The following FAR1 variants were observed in gnomAD, a reference collection of about 807,000 sequenced individuals.
FAR1 encodes the protein fatty acyl-CoA reductase 1, also known as male sterility domain-containing protein 2.
In FAR1, 22 loss-of-function variants were observed where a neutral mutation model predicts 61.1. The ratio of observed to expected loss-of-function variants is 0.36; its 90% CI spans 0.26 to 0.51. The LOEUF (loss-of-function observed/expected upper bound fraction) is 0.51. Ranked by LOEUF, FAR1 falls within the 20% of genes least tolerant of loss-of-function variation. The pLI, the probability that FAR1 is intolerant of heterozygous loss-of-function variation, is 0.95. For synonymous variants in FAR1, 206 were observed against 209.7 expected (o/e 0.98, Z 0.15); for missense variants, 359 against 626.9 (o/e 0.57, Z 4.56).
At chr11:13,717,711 C>G (rs190426908) in intron 9 of FAR1, among the ~76,000 whole-genome samples, 2 of 152,232 alleles carry the variant, frequency 1.3e-5, no homozygotes, top group South Asian at 4.1e-4. Context: ...GCAGGACATG[C>G]GGTTTTTGTT....
At chr11:13,678,516 G>C (rs1464097830) in intron 1 of FAR1, among the ~76,000 whole-genome samples, 1 of 152,058 alleles carries the variant, frequency 6.6e-6, no homozygotes, top group African/African-American at 2.4e-5. Context: ...CACCCGCCTC[G>C]GCCTCCCAAA....
intron 3 of FAR1, among the ~76,000 whole-genome samples, chr11:13,700,863 TAAAC>T (rs1848363459): frequency 1.3e-5 from 2 of 152,154 alleles, no homozygotes; most frequent in Admixed American, 1.3e-4. Context: ...CATGTGAAAA[TAAAC>T]AAAATTAGGC....
At chr11:13,719,154 T>C (rs1848583169) in intron 9 of FAR1, among the ~76,000 whole-genome samples, 1 of 152,146 alleles carries the variant, frequency 6.6e-6, no homozygotes, top group South Asian at 2.1e-4. Context: ...GCATGTAGGA[T>C]GGAGATAATA....
chr11:13,723,739 G>A (rs535679589), intron 10 of FAR1, among the ~76,000 whole-genome samples: 1 of 152,134 alleles, frequency 6.6e-6, no homozygotes, highest in South Asian at 2.1e-4. Context: ...TTCATATTTT[G>A]TATCTCAGTG....
rs115160737 is a variant in FAR1 at position 13,683,468 on chromosome 11, A to T, written c.-7-11291A>T. On this transcript the variant is annotated intron_variant, in intron 1 of 11. Transcript: ENST00000354817. ...ATTGCACCTGATTGGGAGTAAAAAAAACATAGATGAAATACTAATATTTTG... is the reference window on the plus strand; with the variant it reads ...ATTGCACCTGATTGGGAGTAAAAAATACATAGATGAAATACTAATATTTTG... Among the ~76,000 whole-genome samples the T allele has an allele frequency of 7.8e-3, 1,188 of 152,146 alleles. 22 individuals are homozygous for T. The highest frequency in any genetic ancestry group is 0.027 in the African/African-American group (1,114 of 41,538).
chr11:13,725,884 G>A (rs990113036), intron 10 of FAR1, among the ~76,000 whole-genome samples: 1 of 151,396 alleles, frequency 6.6e-6, no homozygotes, highest in Non-Finnish European at 1.5e-5. Context: ...GACTAGTAGT[G>A]CTTTGTATTT....
In FAR1 at chr11:13,695,072, CA is replaced by C. The variant is rs768003518; in HGVS notation, c.189+125del. 5.0e-6 allele frequency: 4 copies of C among 800,596 alleles called. No homozygotes were observed. The South Asian group carries it at 1.7e-4, about 34-fold the overall frequency. 49.6% of individuals were successfully genotyped at this position (800,596 alleles called of 1,614,324 possible). On this transcript the variant is annotated intron_variant, in intron 2 of 11. Transcript: ENST00000354817. The stretch of plus-strand genomic sequence containing the variant: ...CAGTATTCTGAAAAAATTAGTAAAA[CA>C]AAAAAACTTAGTAAGTTCCTACAGG...
intron 8 of FAR1, 53 bp from the exon 9 acceptor site, chr11:13,714,456 A>C (rs1848533620): frequency 1.3e-6 from 2 of 1,498,940 alleles, no homozygotes; most frequent in Admixed American, 2.4e-5. Flanking sequence ...TTTTTTTTCA[A>C]AACTTCATTA....
At chr11:13,702,404 A>G (rs754636951) in intron 3 of FAR1, among the ~76,000 whole-genome samples, 4 of 152,174 alleles carry the variant, frequency 2.6e-5, no homozygotes, top group Non-Finnish European at 2.9e-5. Context: ...AGTAACACCT[A>G]TAAGAAATCT....
At position 13,728,806 on chromosome 11, in the gene FAR1, C is replaced by T. The variant is rs201460358; in HGVS notation, c.*32C>T. On this transcript the variant is annotated 3_prime_UTR_variant, in exon 12 of 12. Transcript: ENST00000354817. ...AGGATTCAGCATTAGAACATCTATACATATGGTGATCTAAATGTACAAAAT... is the reference window on the plus strand; with the variant it reads ...AGGATTCAGCATTAGAACATCTATATATATGGTGATCTAAATGTACAAAAT... 111 of 1,566,460 alleles carry T rather than the reference C, an allele frequency of 7.1e-5. No individual in the cohort carries two copies. The highest frequency in any genetic ancestry group is 9.3e-5 in the Non-Finnish European group (107 of 1,147,938).
At chr11:13,709,857 C>T (rs1156245220) in intron 4 of FAR1, among the ~76,000 whole-genome samples, 2 of 152,018 alleles carry the variant, frequency 1.3e-5, no homozygotes, top group Non-Finnish European at 2.9e-5. Flanking sequence ...AGTCTACTTG[C>T]ATACACAGCA....
chr11:13,710,349 GGTTA>G (rs1478077420), intron 4 of FAR1, among the ~76,000 whole-genome samples: 2 of 151,872 alleles, frequency 1.3e-5, no homozygotes, highest in African/African-American at 4.8e-5. Context: ...ACTTGATCTG[GGTTA>G]GTATCCCTGA....
chr11:13,676,227 T>A (rs1848067130), intron 1 of FAR1, among the ~76,000 whole-genome samples: 1 of 152,184 alleles, frequency 6.6e-6, no homozygotes, highest in African/African-American at 2.4e-5. Context: ...TTAATTGAAT[T>A]CTTGGGGAAA....
In FAR1 at chr11:13,728,795, G is replaced by T; in HGVS notation, c.*21G>T. On this transcript the variant is annotated 3_prime_UTR_variant, in exon 12 of 12. Transcript: ENST00000354817. The stretch of plus-strand genomic sequence containing the variant: ...ACTGAAGACCAAGGATTCAGCATTA[G>T]AACATCTATACATATGGTGATCTAA... The T allele has an allele frequency of 1.2e-6, 2 of 1,604,380 alleles. No homozygotes were observed. Among genetic ancestry groups the T allele is most frequent in the South Asian group, 2.2e-5 (2 of 90,456 alleles).
At chr11:13,678,982 C>T (rs899111181) in intron 1 of FAR1, among the ~76,000 whole-genome samples, 2 of 152,006 alleles carry the variant, frequency 1.3e-5, no homozygotes, top group South Asian at 2.1e-4. Flanking sequence ...TTGGGCGAAG[C>T]GGTATGTAGT....
chr11:13,673,445 C>T (rs1848032943), intron 1 of FAR1, among the ~76,000 whole-genome samples: 1 of 152,162 alleles, frequency 6.6e-6, no homozygotes, highest in South Asian at 2.1e-4. Flanking sequence ...TAGTAACTTT[C>T]CAAGGTTGGA....
At position 13,689,289 on chromosome 11, in the gene FAR1, C is replaced by T. The variant is rs113996804; in HGVS notation, c.-7-5470C>T. Reference sequence around the variant, plus strand: ...TAGAAATAGAACATCACCAGAATCCCAGAAGTCTCCTTCATGTTACCTTCT... The same window carrying T: ...TAGAAATAGAACATCACCAGAATCCTAGAAGTCTCCTTCATGTTACCTTCT... On this transcript the variant is annotated intron_variant, in intron 1 of 11. Coordinates refer to ENST00000354817, the MANE Select transcript of FAR1 (RefSeq NM_032228.6). 1.3e-3 allele frequency among the ~76,000 whole-genome samples: 205 copies of T among 152,290 alleles called. 1 individual carries two copies. The highest frequency in any genetic ancestry group is 4.6e-3 in the African/African-American group (193 of 41,558).
At chr11:13,699,224 C>G (rs1848342755) in intron 2 of FAR1, among the ~76,000 whole-genome samples, 1 of 152,280 alleles carries the variant, frequency 6.6e-6, no homozygotes, top group South Asian at 2.1e-4. Flanking sequence ...GTAACACTTA[C>G]CTGTTATTGC....
In FAR1 at chr11:13,680,591, G is replaced by A. The variant is rs569971862; in HGVS notation, c.-8+11785G>A. On this transcript the variant is annotated intron_variant, in intron 1 of 11. Transcript: ENST00000354817. ...TCCACTCCTGGTGTAAGGTGAAGGG[G>A]AGCAGGCATCACACAGTGAGAGAGG... Among the ~76,000 whole-genome samples, 3 of 152,268 alleles carry A rather than the reference G, an allele frequency of 2.0e-5. No homozygotes were observed. In the East Asian group the frequency reaches 5.8e-4, roughly 29 times the overall value.
Sources: gnomAD v4.1 joint callset for allele counts (sites outside exome capture counted in the v4.1 genomes callset) on GRCh38, gnomAD v4.1.1 for gene constraint, MANE v1.5 for transcripts, NCBI Gene and HGNC (gene_info 2026-07-23, HGNC 2026-07-21) for gene names.